The following PDCD6 variants were observed in gnomAD, a reference collection of about 807,000 sequenced individuals.
The protein encoded by PDCD6 is programmed cell death 6, also known as programmed cell death protein 6.
Under a neutral mutation model 28.3 loss-of-function variants are expected in PDCD6, and 12 were observed. The observed-to-expected ratio is 0.42, with a 90% CI of 0.27 to 0.69. The LOEUF (loss-of-function observed/expected upper bound fraction) is 0.69. Among genes scored for constraint, PDCD6 ranks in the 30% least tolerant of loss-of-function variants. The pLI is 0.22. For missense variants in PDCD6, 226 were observed against 269.9 expected (o/e 0.84, Z 1.14); for synonymous variants, 92 against 108.0 (o/e 0.85, Z 0.92).
Position 285,580 on chromosome 5 carries a change from C to G in PDCD6, c.163+12808C>G, listed in dbSNP as rs574926029. On this transcript the variant is annotated intron_variant, in intron 2 of 5. Coordinates refer to ENST00000264933, the MANE Select transcript of PDCD6 (RefSeq NM_013232.4). ...GGAGACCCGGCAGGGAGCTGATGTTCCAGTTTGAGGGCCCTGCAGCTGGAG... is the reference window on the plus strand; with the variant it reads ...GGAGACCCGGCAGGGAGCTGATGTTGCAGTTTGAGGGCCCTGCAGCTGGAG... 2.6e-5 allele frequency among the ~76,000 whole-genome samples: 4 copies of G among 151,112 alleles called. No homozygotes were observed. The South Asian group carries it at 8.4e-4, about 32-fold the overall frequency.
chr5:272,086 C>T lies in PDCD6; in HGVS notation c.101+265C>T, dbSNP rs1270745719. On this transcript the variant is annotated intron_variant, in intron 1 of 5. Transcript: ENST00000264933. Reference sequence around the variant, plus strand: ...CTCCTGGGGCCGCCCCTGCCTCCTGCCCGGTCCCTGTCCTGTGCGTCGGGC... The same window carrying T: ...CTCCTGGGGCCGCCCCTGCCTCCTGTCCGGTCCCTGTCCTGTGCGTCGGGC... Among the ~76,000 whole-genome samples the T allele has an allele frequency of 3.4e-5, 5 of 147,686 alleles. No homozygotes were observed. In the Middle Eastern group the frequency reaches 0.01, roughly 310 times the overall value.
In PDCD6 at chr5:305,057, C is replaced by T. The variant is rs1209442269; in HGVS notation, c.208+836C>T. 1 of 152,506 alleles carries T rather than the reference C, an allele frequency of 6.6e-6. No individual in the cohort carries two copies. The highest frequency in any genetic ancestry group is 1.5e-5 in the Non-Finnish European group (1 of 68,306). 9.4% of individuals were successfully genotyped at this position (152,506 alleles called of 1,614,324 possible). ...TGTTCAGGAGAGTCGTGCTGTGTCT[C>T]CATCCCCCGTAGCCAGGTGGGAGCT... On this transcript the variant is annotated intron_variant, in intron 3 of 5. Transcript: ENST00000264933. This position sits in a 1 kb window ranked among gnomAD's most constrained non-coding sequence, Gnocchi z 4.0.
intron 2 of PDCD6, among the ~76,000 whole-genome samples, chr5:275,019 C>A (rs575211787): frequency 6.6e-6 from 1 of 151,096 alleles, no homozygotes; most frequent in Non-Finnish European, 1.5e-5. Flanking sequence ...CCAATGGAGT[C>A]ACTTTTCTTA....
At chr5:278,759 G>A (rs558353668) in intron 2 of PDCD6, among the ~76,000 whole-genome samples, 65 of 150,294 alleles carry the variant, frequency 4.3e-4, no homozygotes, top group African/African-American at 1.6e-3. Context: ...GAAAGAGATG[G>A]GGCAAGCAGG....
chr5:308,628 A>G (rs1740688726), intron 4 of PDCD6: 1 of 152,064 alleles, frequency 6.6e-6, no homozygotes, highest in Non-Finnish European at 1.5e-5. Context: ...TCCCATAGTA[A>G]CTGTTAGGAA....
intron 2 of PDCD6, among the ~76,000 whole-genome samples, chr5:282,565 G>T (rs1479359392): frequency 6.6e-6 from 1 of 152,138 alleles, no homozygotes; most frequent in Non-Finnish European, 1.5e-5. Context: ...ACTCGGGGAG[G>T]AGCTGATGTT....
chr5:281,970 G>A (rs1180577398), intron 2 of PDCD6, among the ~76,000 whole-genome samples: 1 of 148,094 alleles, frequency 6.8e-6, no homozygotes, highest in Non-Finnish European at 1.5e-5. Context: ...TCTAGTTTGA[G>A]GGTCATGCAG....
chr5:288,347 C>T (rs1316697697), intron 2 of PDCD6, among the ~76,000 whole-genome samples: 3 of 146,884 alleles, frequency 2.0e-5, no homozygotes, highest in East Asian at 2.0e-4. Flanking sequence ...TTCCATTGTA[C>T]GTAGCCGGAC....
rs1378206706 is a variant in PDCD6 at position 279,794 on chromosome 5, A to C, written c.163+7022A>C. ...ATTAAAAGTAATGGCAAAAAAAAAA[A>C]AAAAAAAAAAAACGAGGAGCCGGTG... On this transcript the variant is annotated intron_variant, in intron 2 of 5. Coordinates refer to ENST00000264933, the MANE Select transcript of PDCD6 (RefSeq NM_013232.4). Among the ~76,000 whole-genome samples, 592 of 147,952 alleles carry C rather than the reference A, an allele frequency of 4.0e-3. 2 individuals are homozygous for C. Among genetic ancestry groups the C allele is most frequent in the Admixed American group, 0.011 (165 of 15,108 alleles).
chr5:286,954 A>G (rs754157971), intron 2 of PDCD6, among the ~76,000 whole-genome samples: 5 of 151,726 alleles, frequency 3.3e-5, no homozygotes, highest in Non-Finnish European at 5.9e-5. Context: ...ATCTGGAGAT[A>G]CAGTGGGGAG....
intron 2 of PDCD6, among the ~76,000 whole-genome samples, chr5:285,466 C>T (rs1227715166): frequency 3.3e-5 from 5 of 151,394 alleles, no homozygotes; most frequent in African/African-American, 1.2e-4. Flanking sequence ...CAGCTGGAGA[C>T]CCGGCGGGGA....
At chr5:298,034 C>T (rs945279959) in intron 2 of PDCD6, among the ~76,000 whole-genome samples, 1 of 152,122 alleles carries the variant, frequency 6.6e-6, no homozygotes, top group African/African-American at 2.4e-5. Context: ...TAAATGAAGC[C>T]ATTAAGGGTA....
chr5:276,282 A>G (rs1476924060), intron 2 of PDCD6: 75 of 1,117,848 alleles, frequency 6.7e-5, no homozygotes, highest in Non-Finnish European at 7.6e-5. Context: ...TCATCGCAGC[A>G]TTTTTCTTTT....
At chr5:288,904 T>C in intron 2 of PDCD6, 6 of 1,575,804 alleles carry the variant, frequency 3.8e-6, no homozygotes, top group East Asian at 2.2e-5. Context: ...TCTGAAAGAA[T>C]CTCTCCAGTT....
In PDCD6 at chr5:304,600, G is replaced by A. The variant is rs530383726; in HGVS notation, c.208+379G>A. Reference sequence around the variant, plus strand: ...CTTTATTCAAATATTTCATATGATAGTCTTCAGTTTTAAGAACATGCTTTT... The same window carrying A: ...CTTTATTCAAATATTTCATATGATAATCTTCAGTTTTAAGAACATGCTTTT... On this transcript the variant is annotated intron_variant, in intron 3 of 5. Coordinates refer to ENST00000264933, the MANE Select transcript of PDCD6 (RefSeq NM_013232.4). 7.3e-5 allele frequency: 12 copies of A among 163,980 alleles called. No homozygotes were observed. In the South Asian group the frequency reaches 1.9e-3, roughly 27 times the overall value. The allele number at this position is 163,980 out of a possible 1,614,324, so 10.2% of individuals were successfully genotyped here. A position where few individuals can be genotyped will look rare whatever the true frequency, so the allele number is the denominator to read the frequency against.
At chr5:301,180 A>C (rs1740025443) in intron 2 of PDCD6, among the ~76,000 whole-genome samples, 1 of 152,218 alleles carries the variant, frequency 6.6e-6, no homozygotes, top group Non-Finnish European at 1.5e-5. Flanking sequence ...CCACGGACGC[A>C]GAAGACAGAG....
intron 2 of PDCD6, among the ~76,000 whole-genome samples, chr5:286,079 T>C (rs1738939223): frequency 7.1e-6 from 1 of 140,428 alleles, no homozygotes; most frequent in South Asian, 2.2e-4. Context: ...TTGAGGGCCA[T>C]GCAGCTGAGG....
chr5:282,231 G>A (rs1191048280), intron 2 of PDCD6, among the ~76,000 whole-genome samples: 2 of 145,698 alleles, frequency 1.4e-5, no homozygotes, highest in Non-Finnish European at 3.0e-5. Flanking sequence ...GACCTGGAGA[G>A]GAGCTGATGT....
rs572240960 is a variant in PDCD6 at position 271,697 on chromosome 5, C to T, written c.-24C>T. Reference sequence around the variant, plus strand: ...AGGTCTCTCGTCGCTGCAGGCGCCTCAGCCCAGCCGCGTGCCTTGGCCCAT... The same window carrying T: ...AGGTCTCTCGTCGCTGCAGGCGCCTTAGCCCAGCCGCGTGCCTTGGCCCAT... On this transcript the variant is annotated 5_prime_UTR_variant, in exon 1 of 6. Transcript: ENST00000264933. 10 of 1,437,062 alleles carry T rather than the reference C, an allele frequency of 7.0e-6. No homozygotes were observed. In the South Asian group the frequency reaches 9.6e-5, roughly 14 times the overall value. 89.0% of individuals were successfully genotyped at this position (1,437,062 alleles called of 1,614,324 possible).
Sources: allele counts gnomAD v4.1 joint callset (sites outside exome capture counted in the v4.1 genomes callset), GRCh38; gene constraint gnomAD v4.1.1; non-coding constraint Gnocchi (gnomAD v3.1); transcripts MANE v1.5; gene names NCBI Gene and HGNC (gene_info 2026-07-23, HGNC 2026-07-21).